Variants in HACD1 observed in about 807,000 individuals in gnomAD.
The protein encoded by HACD1 is very-long-chain (3R)-3-hydroxyacyl-CoA dehydratase 1.
HACD1 carries 41 observed loss-of-function variants against 32.0 expected under a neutral mutation model. The observed-to-expected ratio is 1.28, with a 90% CI of 1.00 to 1.66. The LOEUF (loss-of-function observed/expected upper bound fraction) is 1.66. HACD1 is among the 40% of genes most tolerant of loss of function. The pLI is 0.00. For synonymous variants in HACD1, 142 were observed against 139.0 expected (o/e 1.02, Z -0.15); for missense variants, 396 against 380.1 (o/e 1.04, Z -0.35).
intron 1 of HACD1, among the ~76,000 whole-genome samples, chr10:17,607,791 G>A (rs1350249978): frequency 6.6e-6 from 1 of 152,088 alleles, no homozygotes; most frequent in Non-Finnish European, 1.5e-5. Context: ...AGGACCCATC[G>A]AAACATCTAT....
chr10:17,608,201 T>G (rs191838237), intron 1 of HACD1, among the ~76,000 whole-genome samples: 6 of 151,890 alleles, frequency 4.0e-5, no homozygotes, highest in African/African-American at 1.2e-4. Flanking sequence ...GTTGTGGGGT[T>G]TTTTTTAGTA....
intron 1 of HACD1, among the ~76,000 whole-genome samples, chr10:17,612,869 C>G (rs1268921855): frequency 6.6e-6 from 1 of 150,650 alleles, no homozygotes; most frequent in South Asian, 2.1e-4. Context: ...TTGCAGTGAG[C>G]CGAGATCTCC....
intron 1 of HACD1, chr10:17,615,341 C>T (rs962927508): frequency 6.6e-5 from 10 of 152,246 alleles, no homozygotes; most frequent in African/African-American, 2.4e-4. Context: ...GTGCCCCTCA[C>T]AGGACTTTAA....
Position 17,603,806 on chromosome 10 carries a change from C to A in HACD1, c.376-62G>T, listed in dbSNP as rs1554816769. 7 of 1,527,830 alleles carry A rather than the reference C, an allele frequency of 4.6e-6. No homozygotes were observed. The African/African-American group carries it at 5.5e-5, about 12-fold the overall frequency. The allele number at this position is 1,527,830 out of a possible 1,614,324, so 94.6% of individuals were successfully genotyped here. A position where few individuals can be genotyped will look rare whatever the true frequency, so the allele number is the denominator to read the frequency against. ...TAGAAAACATTAAATAAACCACTGT[C>A]AACATTGGCATTCAGCAAATCCATA... is the stretch of plus-strand genomic sequence containing the variant. On this transcript the variant is annotated intron_variant, in intron 2 of 6. Coordinates refer to ENST00000361271, the MANE Select transcript of HACD1 (RefSeq NM_014241.4).
rs1833909116 is a variant in HACD1, at chr10:17,590,072, A to G, written c.*292T>C. The G allele has an allele frequency of 5.1e-6, 1 of 195,686 alleles. No homozygotes were observed. The highest frequency in any genetic ancestry group is 1.0e-5 in the Non-Finnish European group (1 of 97,242). 12.1% of individuals were successfully genotyped at this position (195,686 alleles called of 1,614,324 possible). A position where few individuals can be genotyped will look rare whatever the true frequency, so the allele number is the denominator to read the frequency against. On this transcript the variant is annotated 3_prime_UTR_variant, in exon 7 of 7. Coordinates refer to ENST00000361271, the MANE Select transcript of HACD1 (RefSeq NM_014241.4). ...AATATTGATTTAAAAAGCTTTGAGC[A>G]TGTTTCAAAAAAAACTTAGCAAAAG...
intron 5 of HACD1, among the ~76,000 whole-genome samples, chr10:17,595,499 TA>T (rs1412641894): frequency 6.6e-6 from 1 of 152,134 alleles, no homozygotes; most frequent in Non-Finnish European, 1.5e-5. Context: ...ATTCCCACAT[TA>T]AAAGAAGAGT....
chr10:17,612,658 T>C (rs1207439049), intron 1 of HACD1, among the ~76,000 whole-genome samples: 2 of 151,940 alleles, frequency 1.3e-5, no homozygotes, highest in Non-Finnish European at 2.9e-5. Context: ...CGGTGGCTCA[T>C]GCCTGTAATC....
At chr10:17,609,033 G>A (rs1334974330) in intron 1 of HACD1, among the ~76,000 whole-genome samples, 3 of 151,670 alleles carry the variant, frequency 2.0e-5, no homozygotes, top group Non-Finnish European at 4.4e-5. Context: ...AGCCCAAACT[G>A]GAAGAAAATA....
chr10:17,597,986 G>T (rs945099500), intron 5 of HACD1, among the ~76,000 whole-genome samples: 2 of 152,072 alleles, frequency 1.3e-5, no homozygotes, highest in East Asian at 1.9e-4. Flanking sequence ...ATGGCCAGGC[G>T]CAGTGGCTCA....
intron 5 of HACD1, among the ~76,000 whole-genome samples, chr10:17,598,591 G>T (rs1284979002): frequency 1.3e-5 from 2 of 152,138 alleles, no homozygotes; most frequent in Non-Finnish European, 2.9e-5. Context: ...ATTTGTCATT[G>T]TTATTGCTAC....
intron 1 of HACD1, among the ~76,000 whole-genome samples, chr10:17,612,906 G>A (rs1833010011): frequency 7.1e-6 from 1 of 140,212 alleles, no homozygotes. Flanking sequence ...GGGTGATAGA[G>A]CAAGACTCCG....
chr10:17,617,362 C>G lies in HACD1; in HGVS notation c.-23G>C. On this transcript the variant is annotated 5_prime_UTR_variant, in exon 1 of 7. Transcript: ENST00000361271. ...CATGTGCAGCGCGCAGGGGGCTCGG[C>G]GCAGCCAGCTCTACCGACCGCGAGG... 7.5e-7 allele frequency: 1 copy of G among 1,340,520 alleles called. No individual in the cohort carries two copies. Among genetic ancestry groups the G allele is most frequent in the South Asian group, 1.9e-5 (1 of 53,390 alleles). 83.0% of individuals were successfully genotyped at this position (1,340,520 alleles called of 1,614,324 possible).
intron 1 of HACD1, among the ~76,000 whole-genome samples, chr10:17,605,257 G>A (rs1446381040): frequency 1.3e-5 from 2 of 152,094 alleles, no homozygotes; most frequent in Non-Finnish European, 2.9e-5. Context: ...GGGTGCAGTG[G>A]CTCACACCTG....
At chr10:17,595,653 T>C (rs1417598431) in intron 5 of HACD1, among the ~76,000 whole-genome samples, 1 of 152,086 alleles carries the variant, frequency 6.6e-6, no homozygotes, top group Non-Finnish European at 1.5e-5. Flanking sequence ...TGTGTTCTAC[T>C]GGCTGGTCTC....
At chr10:17,599,176 T>TATAACAGCATTCTG in intron 5 of HACD1, 114 bp downstream of exon 5, 4 of 1,504,588 alleles carry the variant, frequency 2.7e-6, no homozygotes, top group Non-Finnish European at 3.5e-6. Context: ...TTATACCTCC[T>TATAACAGCATTCTG]ATAACAGCAT....
chr10:17,609,471 TG>T (rs1388234266), intron 1 of HACD1, among the ~76,000 whole-genome samples: 3 of 152,040 alleles, frequency 2.0e-5, no homozygotes, highest in African/African-American at 7.2e-5. Flanking sequence ...GCAAAAGATT[TG>T]AACAGATACC....
chr10:17,614,819 C>T (rs544606978), intron 1 of HACD1, among the ~76,000 whole-genome samples: 38 of 152,268 alleles, frequency 2.5e-4, no homozygotes, highest in Admixed American at 1.5e-3. Context: ...GTGGCGCGAT[C>T]TCGGCTCACT....
rs148488544 is a variant in HACD1, at chr10:17,608,091, C to T, written c.258-4044G>A. Among the ~76,000 whole-genome samples, 85 of 152,182 alleles carry T rather than the reference C, an allele frequency of 5.6e-4. 1 individual carries two copies. Among genetic ancestry groups the T allele is most frequent in the African/African-American group, 2.0e-3 (84 of 41,538 alleles). On this transcript the variant is annotated intron_variant, in intron 1 of 6. Transcript: ENST00000361271. ...GTGGTGTGCCCATGGCTCATGGCAG[C>T]CTTGGGTTCCCAGGCTTCAGCAATC... is the stretch of plus-strand genomic sequence containing the variant.
At chr10:17,615,004 G>C (rs1010873208) in intron 1 of HACD1, among the ~76,000 whole-genome samples, 3 of 151,410 alleles carry the variant, frequency 2.0e-5, no homozygotes, top group Non-Finnish European at 2.9e-5. Context: ...CGCCCACCTC[G>C]GCCTTCCAAA....
Sources: gnomAD v4.1 joint callset for allele counts (sites outside exome capture counted in the v4.1 genomes callset) on GRCh38, gnomAD v4.1.1 for gene constraint, MANE v1.5 for transcripts, NCBI Gene and HGNC (gene_info 2026-07-23, HGNC 2026-07-21) for gene names.